The following SLFN12L variants were observed in gnomAD, a reference collection of about 807,000 sequenced individuals.
SLFN12L encodes the protein schlafen family member 12-like.
A neutral mutation model predicts 34.8 loss-of-function variants in SLFN12L; 34 were observed. The ratio of observed to expected loss-of-function variants is 0.98; its 90% CI spans 0.74 to 1.30. The LOEUF is 1.30. SLFN12L is among the 50% of genes most tolerant of loss of function. SLFN12L has a pLI of 0.00. For synonymous variants in SLFN12L, 259 were observed against 247.5 expected (o/e 1.05, Z -0.44); for missense variants, 703 against 696.2 (o/e 1.01, Z -0.11).
chr17:35,465,788 A>G lies in SLFN12L; in HGVS notation c.*9135T>C, dbSNP rs1028101213. Among the ~76,000 whole-genome samples, 1 of 149,374 alleles carries G rather than the reference A, an allele frequency of 6.7e-6. No homozygotes were observed. The highest frequency in any genetic ancestry group is 2.5e-5 in the African/African-American group (1 of 40,364). On this transcript the variant is annotated 3_prime_UTR_variant, in exon 5 of 5. Transcript: ENST00000628453. ...TAGTATGATTAACATTATTAACTCT[A>G]TCCAATCAATAACTGCTAAATACTC...
At chr17:35,533,307 T>C (rs1364443602) in intron 1 of SLFN12L, among the ~76,000 whole-genome samples, 1 of 152,238 alleles carries the variant, frequency 6.6e-6, no homozygotes, top group Non-Finnish European at 1.5e-5. Flanking sequence ...TAACCATAAA[T>C]AATAGTCATA....
intron 2 of SLFN12L, among the ~76,000 whole-genome samples, chr17:35,496,648 CCTGTG>C (rs1915092694): frequency 6.6e-6 from 1 of 152,116 alleles, no homozygotes; most frequent in African/African-American, 2.4e-5. Context: ...GGATTTAAAG[CCTGTG>C]CAGTAGGCGT....
rs59968985 is a variant in SLFN12L, at chr17:35,476,454, C to CAAGGAAGGAAGG, written c.1277-981_1277-970dup. 6.0e-3 allele frequency among the ~76,000 whole-genome samples: 637 copies of CAAGGAAGGAAGG among 105,596 alleles called. 2 individuals are homozygous for CAAGGAAGGAAGG. The highest frequency in any genetic ancestry group is 0.012 in the Admixed American group (112 of 9,228). The allele number at this position is 105,596 out of a possible 152,430, so 69.3% of individuals were successfully genotyped here. A position where few individuals can be genotyped will look rare whatever the true frequency, so the allele number is the denominator to read the frequency against. ...TGTCACAAAAAGAAAGAAAAGAAAG[C>CAAGGAAGGAAGG]AAGGAAGGAAGGAAGGAAGGAAGGA... On this transcript the variant is annotated intron_variant, in intron 4 of 4. Transcript: ENST00000628453.
At chr17:35,501,043 G>T (rs951300973) in intron 2 of SLFN12L, among the ~76,000 whole-genome samples, 1 of 152,210 alleles carries the variant, frequency 6.6e-6, no homozygotes, top group African/African-American at 2.4e-5. Context: ...GTGTCTGAGG[G>T]GTTTTGTCTG....
chr17:35,527,199 G>A (rs2072345025), intron 1 of SLFN12L, among the ~76,000 whole-genome samples: 1 of 152,136 alleles, frequency 6.6e-6, no homozygotes, highest in Non-Finnish European at 1.5e-5. Context: ...AACAGCTTCT[G>A]AAATTGAGGC....
chr17:35,527,051 G>A (rs6505482), intron 1 of SLFN12L, among the ~76,000 whole-genome samples: 142,628 of 152,280 alleles, frequency 0.94, 66,925 homozygotes, highest in East Asian at 1. Flanking sequence ...CCACAGAAAT[G>A]CAAACCACCA....
chr17:35,520,922 C>T (rs1015621047), intron 2 of SLFN12L, among the ~76,000 whole-genome samples: 2 of 152,140 alleles, frequency 1.3e-5, no homozygotes, highest in African/African-American at 4.8e-5. Flanking sequence ...TTCCATCCTC[C>T]CTTCTCTCAA....
chr17:35,516,632 T>C (rs2142164047), intron 2 of SLFN12L, among the ~76,000 whole-genome samples: 1 of 152,328 alleles, frequency 6.6e-6, no homozygotes, highest in South Asian at 2.1e-4. Flanking sequence ...AGATATTATG[T>C]CCCTTGGAGG....
At chr17:35,495,468 A>G (rs1915017635) in intron 2 of SLFN12L, among the ~76,000 whole-genome samples, 1 of 152,218 alleles carries the variant, frequency 6.6e-6, no homozygotes, top group African/African-American at 2.4e-5. Flanking sequence ...AAAGCAATAG[A>G]GTGAAGGCTC....
chr17:35,479,196 A>G lies in SLFN12L; in HGVS notation c.1086T>C (p.Asp362=). Residue 362 remains aspartate, a synonymous_variant, in exon 3 of 5, where the codon GAT becomes GAC. Coordinates refer to ENST00000628453, the MANE Select transcript of SLFN12L (RefSeq NM_001363830.2). ...CTCTGTTATCTTTCACGTGCCAGGA[A>G]TCAGGCTTTTTAGCAAACACTGCAC... ...FCCAVFAKKP[D]SWHVKDNRVK... 6.3e-7 allele frequency: 1 copy of G among 1,581,714 alleles called. No homozygotes were observed. Among genetic ancestry groups the G allele is most frequent in the Non-Finnish European group, 8.6e-7 (1 of 1,162,164 alleles).
At position 35,530,496 on chromosome 17, in the gene SLFN12L, GAAAGAAAGAAAGAAAGAAAAGAAAAGA is replaced by G; in HGVS notation, c.-606+7050_-606+7076del. ...AGAAAGAAAGAAAGAAAGAAAGAAA[GAAAGAAAGAAAGAAAGAAAAGAAAAGA>G]AAAGAAAAGAAAAGAAAAGAAAGAA... is the stretch of plus-strand genomic sequence containing the variant. On this transcript the variant is annotated intron_variant, in intron 1 of 4. Transcript: ENST00000628453. 1.0e-4 allele frequency among the ~76,000 whole-genome samples: 4 copies of G among 38,454 alleles called. No individual in the cohort carries two copies. The South Asian group carries it at 2.9e-3, about 28-fold the overall frequency. 25.2% of individuals were successfully genotyped at this position (38,454 alleles called of 152,430 possible). A position where few individuals can be genotyped will look rare whatever the true frequency, so the allele number is the denominator to read the frequency against.
At chr17:35,531,239 C>G (rs1005022185) in intron 1 of SLFN12L, among the ~76,000 whole-genome samples, 2 of 152,260 alleles carry the variant, frequency 1.3e-5, no homozygotes, top group African/African-American at 2.4e-5. Context: ...TTTTAGACAA[C>G]CCACTAGCAC....
intron 4 of SLFN12L, among the ~76,000 whole-genome samples, chr17:35,475,803 G>A (rs529348929): frequency 2.0e-5 from 3 of 152,190 alleles, no homozygotes; most frequent in Admixed American, 2.0e-4. Context: ...GGGAGGCTGA[G>A]GTGGGAGGAT....
At chr17:35,536,096 G>A (rs887955816) in intron 1 of SLFN12L, among the ~76,000 whole-genome samples, 4 of 152,230 alleles carry the variant, frequency 2.6e-5, no homozygotes, top group South Asian at 2.1e-4. Flanking sequence ...TGGGATTACA[G>A]GCATGAGCAA....
At chr17:35,519,962 C>T (rs1915950143) in intron 2 of SLFN12L, among the ~76,000 whole-genome samples, 1 of 152,182 alleles carries the variant, frequency 6.6e-6, no homozygotes, top group Non-Finnish European at 1.5e-5. Flanking sequence ...TTAGACACAA[C>T]AACTGACCAG....
At chr17:35,524,049 T>C (rs1353310516) in intron 1 of SLFN12L, among the ~76,000 whole-genome samples, 1 of 152,230 alleles carries the variant, frequency 6.6e-6, no homozygotes, top group Non-Finnish European at 1.5e-5. Flanking sequence ...TAAGTGGTAA[T>C]TTGAAATTGA....
chr17:35,526,967 C>G (rs2072341752), intron 1 of SLFN12L, among the ~76,000 whole-genome samples: 1 of 150,860 alleles, frequency 6.6e-6, no homozygotes, highest in Non-Finnish European at 1.5e-5. Flanking sequence ...ACTACCGAGA[C>G]TAATAAAGAA....
rs889472417 is a variant in SLFN12L at position 35,472,487 on chromosome 17, T to C, written c.*2436A>G. The stretch of plus-strand genomic sequence containing the variant: ...TGAGGTCTCTGTTCTGTTCCATTGG[T>C]CTATATGTCTCTTTTTATGCCAGTA... On this transcript the variant is annotated 3_prime_UTR_variant, in exon 5 of 5. Coordinates refer to ENST00000628453, the MANE Select transcript of SLFN12L (RefSeq NM_001363830.2). Among the ~76,000 whole-genome samples, 1 of 152,224 alleles carries C rather than the reference T, an allele frequency of 6.6e-6. No homozygotes were observed. Among genetic ancestry groups the C allele is most frequent in the African/African-American group, 2.4e-5 (1 of 41,458 alleles).
At chr17:35,482,903 C>T (rs960844414) in intron 2 of SLFN12L, among the ~76,000 whole-genome samples, 5 of 152,158 alleles carry the variant, frequency 3.3e-5, no homozygotes, top group African/African-American at 1.2e-4. Flanking sequence ...CAATGGCACA[C>T]ACTTCCTCCC....
Sources: allele counts gnomAD v4.1 joint callset (sites outside exome capture counted in the v4.1 genomes callset), GRCh38; gene constraint gnomAD v4.1.1; transcripts MANE v1.5; gene names NCBI Gene and HGNC (gene_info 2026-07-23, HGNC 2026-07-21).